EML1: variants seen among roughly 807,000 people sequenced by gnomAD.
The protein encoded by EML1 is echinoderm microtubule-associated protein-like 1.
EML1 carries 27 observed loss-of-function variants against 110.4 expected under a neutral mutation model. The observed-to-expected ratio is 0.24, with a 90% CI of 0.18 to 0.34. EML1 has a LOEUF of 0.34. Ranked by LOEUF, EML1 falls within the 10% of genes least tolerant of loss-of-function variation. The pLI is 1.00. For missense variants in EML1, 741 were observed against 1,030.9 expected (o/e 0.72, Z 3.85); for synonymous variants, 344 against 385.8 (o/e 0.89, Z 1.27).
chr14:99,824,266 A>C (rs1285541231), intron 1 of EML1, among the ~76,000 whole-genome samples: 2 of 152,164 alleles, frequency 1.3e-5, no homozygotes, highest in African/African-American at 4.8e-5. Flanking sequence ...GGCTCCATGC[A>C]TCACCTCTAA....
chr14:99,817,173 CA>C (rs984214144), intron 1 of EML1, among the ~76,000 whole-genome samples: 15 of 152,290 alleles, frequency 9.8e-5, no homozygotes, highest in Non-Finnish European at 1.6e-4. Context: ...GGGCTTACTA[CA>C]TTCATTTTTT....
At chr14:99,910,197 T>A in intron 11 of EML1, 45 bp from the exon 12 acceptor site, 1 of 1,314,386 alleles carries the variant, frequency 7.6e-7, no homozygotes. Context: ...ATATATATGT[T>A]GTATGGATTA....
chr14:99,791,876 T>A (rs1185084821), upstream of EML1, among the ~76,000 whole-genome samples: 1 of 152,160 alleles, frequency 6.6e-6, no homozygotes. Context: ...CAGTCTTATT[T>A]CCCACTTGTC....
At chr14:99,925,004 T>C (rs1486377047) in intron 17 of EML1, among the ~76,000 whole-genome samples, 1 of 152,224 alleles carries the variant, frequency 6.6e-6, no homozygotes, top group Non-Finnish European at 1.5e-5. Flanking sequence ...TTTGCCTCCA[T>C]GTTTCTAACA....
intron 1 of EML1, among the ~76,000 whole-genome samples, chr14:99,750,093 G>A (rs1397736595): frequency 2.0e-5 from 3 of 152,190 alleles, no homozygotes; most frequent in Non-Finnish European, 2.9e-5. Context: ...TTGTGTGGCC[G>A]TCACCTGAGC....
chr14:99,938,486 C>T (rs550627177), intron 20 of EML1, among the ~76,000 whole-genome samples: 8 of 152,234 alleles, frequency 5.3e-5, no homozygotes, highest in Non-Finnish European at 8.8e-5. Flanking sequence ...GAAAACCCAA[C>T]GTGCATCCAG....
Position 99,905,722 on chromosome 14 carries a change from G to A in EML1, c.1009-1916G>A, listed in dbSNP as rs78325421. Among the ~76,000 whole-genome samples the A allele has an allele frequency of 0.26, 40,050 of 152,050 alleles. 5,868 individuals are homozygous for A. Among genetic ancestry groups the A allele is most frequent in the Non-Finnish European group, 0.33 (22,205 of 67,956 alleles). ...GTTAACGTCCCATAGTGCCAAGCCT[G>A]TTCTTAGCTGAAAAGGACTTTACTG... On this transcript the variant is annotated intron_variant, in intron 9 of 21. Coordinates refer to ENST00000262233, the MANE Select transcript of EML1 (RefSeq NM_004434.3). The surrounding 1 kb of genome is among the most constrained non-coding windows in gnomAD (Gnocchi z 4.1).
intron 1 of EML1, 141 bp downstream of exon 1, chr14:99,793,684 G>A (rs2057713154): frequency 7.2e-6 from 4 of 553,300 alleles, no homozygotes; most frequent in African/African-American, 2.1e-5. Context: ...AGGGGCGCGC[G>A]GTCCCCGTTC....
At chr14:99,779,442 A>T (rs1413790470) in intron 1 of EML1, among the ~76,000 whole-genome samples, 3 of 152,320 alleles carry the variant, frequency 2.0e-5, no homozygotes, top group Non-Finnish European at 4.4e-5. Flanking sequence ...CTGTTTCCTC[A>T]TATCCCCTCA....
At chr14:99,774,064 G>A (rs2057455760) in intron 1 of EML1, 1 of 152,510 alleles carries the variant, frequency 6.6e-6, no homozygotes, top group Non-Finnish European at 1.5e-5. Flanking sequence ...TGAGGGGCTG[G>A]GGTACTGGGA....
At chr14:99,813,717 AT>A (rs966936898) in intron 1 of EML1, among the ~76,000 whole-genome samples, 10 of 151,846 alleles carry the variant, frequency 6.6e-5, no homozygotes, top group African/African-American at 1.7e-4. Flanking sequence ...TAAAAAAAAA[AT>A]TTTTTTTTAA....
intron 1 of EML1, among the ~76,000 whole-genome samples, chr14:99,787,262 G>C (rs2057610548): frequency 7.0e-6 from 1 of 143,082 alleles, no homozygotes; most frequent in African/African-American, 2.6e-5. Context: ...TCTTGACTCT[G>C]AGATTCTTTT....
intron 1 of EML1, among the ~76,000 whole-genome samples, chr14:99,746,979 C>T (rs188553982): frequency 6.6e-6 from 1 of 152,172 alleles, no homozygotes; most frequent in African/African-American, 2.4e-5. Context: ...TCCGCTCTAT[C>T]GGGCGCTGTG....
chr14:99,746,489 G>T (rs2057109812), intron 1 of EML1, among the ~76,000 whole-genome samples: 1 of 152,150 alleles, frequency 6.6e-6, no homozygotes, highest in East Asian at 1.9e-4. Context: ...CTCTGGGGAG[G>T]TTTCCACAGG....
rs553427002 is a variant in EML1, at chr14:99,936,602, G to A, written c.2095+268G>A. Among the ~76,000 whole-genome samples the A allele has an allele frequency of 1.3e-5, 2 of 152,306 alleles. No individual in the cohort carries two copies. Among genetic ancestry groups the A allele is most frequent in the Admixed American group, 1.3e-4 (2 of 15,300 alleles). ...AGAAGGCCAAGCCCTGCAGAGGGGG[G>A]CTTGGGGCAGGCGGATGTGGCAGAA... On this transcript the variant is annotated intron_variant, in intron 19 of 21. Coordinates refer to ENST00000262233, the MANE Select transcript of EML1 (RefSeq NM_004434.3). This position sits in a 1 kb window ranked among gnomAD's most constrained non-coding sequence, Gnocchi z 5.5.
At chr14:99,911,888 C>T (rs2059952286) in intron 13 of EML1, among the ~76,000 whole-genome samples, 1 of 149,844 alleles carries the variant, frequency 6.7e-6, no homozygotes, top group African/African-American at 2.5e-5. Context: ...TTTTCTTTTT[C>T]TTTTTTTCTT....
chr14:99,882,823 G>GA lies in EML1; in HGVS notation c.518+4216dup, dbSNP rs112821117. 1.9e-3 allele frequency among the ~76,000 whole-genome samples: 269 copies of GA among 143,172 alleles called. 1 individual carries two copies. The highest frequency in any genetic ancestry group is 0.015 in the East Asian group (75 of 4,932). The allele number at this position is 143,172 out of a possible 152,430, so 93.9% of individuals were successfully genotyped here. ...GCCCATCTTTGGAGTCAACAAACATGAAAAAAAAAAAACCCACCTCAAAAT... is the reference window on the plus strand; with the variant it reads ...GCCCATCTTTGGAGTCAACAAACATGAAAAAAAAAAAAACCCACCTCAAAAT... On this transcript the variant is annotated intron_variant, in intron 4 of 21. Transcript: ENST00000262233.
intron 1 of EML1, among the ~76,000 whole-genome samples, chr14:99,848,216 T>C (rs2058735691): frequency 6.6e-6 from 1 of 152,212 alleles, no homozygotes; most frequent in East Asian, 1.9e-4. Flanking sequence ...GATCACAATA[T>C]ACATCTGTGA....
chr14:99,759,804 C>T, intron 1 of EML1, among the ~76,000 whole-genome samples: 1 of 152,274 alleles, frequency 6.6e-6, no homozygotes, highest in East Asian at 1.9e-4. Flanking sequence ...ACGCTCTTTG[C>T]GTTCATGCAT....
Sources: allele counts gnomAD v4.1 joint callset (sites outside exome capture counted in the v4.1 genomes callset), GRCh38; gene constraint gnomAD v4.1.1; non-coding constraint Gnocchi (gnomAD v3.1); transcripts MANE v1.5; gene names NCBI Gene and HGNC (gene_info 2026-07-23, HGNC 2026-07-21).